The following PPP2R2C variants were observed in gnomAD, a reference collection of about 807,000 sequenced individuals.
The protein encoded by PPP2R2C is protein phosphatase 2 regulatory subunit Bgamma, also known as protein phosphatase 2, regulatory subunit B, gamma.
PPP2R2C carries 10 observed loss-of-function variants against 45.3 expected under a neutral mutation model. That is an observed-to-expected ratio of 0.22 (90% confidence interval 0.14 to 0.37). PPP2R2C has a LOEUF of 0.37. Among genes scored for constraint, PPP2R2C ranks in the 10% least tolerant of loss-of-function variants. The pLI, the probability that PPP2R2C is intolerant of heterozygous loss-of-function variation, is 1.00. For synonymous variants in PPP2R2C, 257 were observed against 245.4 expected (o/e 1.05, Z -0.44); for missense variants, 308 against 619.7 (o/e 0.50, Z 5.34).
intron 1 of PPP2R2C, among the ~76,000 whole-genome samples, chr4:6,546,928 G>A (rs1489617197): frequency 6.6e-6 from 1 of 152,186 alleles, no homozygotes; most frequent in Non-Finnish European, 1.5e-5. Flanking sequence ...GGAAAGAGGG[G>A]AGGAAAGAGA....
rs115768332 is a variant in PPP2R2C at position 6,361,725 on chromosome 4, C to T, written c.625+10798G>A. On this transcript the variant is annotated intron_variant, in intron 5 of 8. Coordinates refer to ENST00000382599, the MANE Select transcript of PPP2R2C (RefSeq NM_020416.4). ...GTGGTGAATGGCATGCCTTGGTTTC[C>T]AAGAACTGAGAGGGGGAATCCAAGG... Among the ~76,000 whole-genome samples the T allele has an allele frequency of 4.5e-3, 684 of 152,300 alleles. 9 individuals carry two copies. Among genetic ancestry groups the T allele is most frequent in the African/African-American group, 0.016 (651 of 41,570 alleles).
At position 6,472,318 on chromosome 4, in the gene PPP2R2C, G is replaced by A; in HGVS notation, c.-89C>T. The stretch of plus-strand genomic sequence containing the variant: ...TCGCGCCGGGCGCGCGGGCCATGCC[G>A]CCGCAGCCTAGCAGGGGCGCGGGCC... On this transcript the variant is annotated 5_prime_UTR_variant, in exon 1 of 9. Transcript: ENST00000382599. 6.4e-7 allele frequency: 1 copy of A among 1,569,786 alleles called. No individual in the cohort carries two copies. Among genetic ancestry groups the A allele is most frequent in the Non-Finnish European group, 8.6e-7 (1 of 1,158,760 alleles).
At chr4:6,447,626 G>A (rs922036667) in intron 1 of PPP2R2C, among the ~76,000 whole-genome samples, 4 of 151,122 alleles carry the variant, frequency 2.6e-5, no homozygotes, top group African/African-American at 9.8e-5. Flanking sequence ...TTTCCCTGGT[G>A]ATTTAATGAA....
intron 1 of PPP2R2C, among the ~76,000 whole-genome samples, chr4:6,551,010 C>T (rs1358361770): frequency 6.6e-6 from 1 of 152,186 alleles, no homozygotes; most frequent in Non-Finnish European, 1.5e-5. Context: ...AATTGCCATA[C>T]CTTCCTCGCC....
At chr4:6,468,251 A>G (rs1721685140) in intron 1 of PPP2R2C, among the ~76,000 whole-genome samples, 2 of 152,174 alleles carry the variant, frequency 1.3e-5, no homozygotes, top group Admixed American at 6.5e-5. Context: ...AAACCTGCAG[A>G]CAATTCCATG....
intron 1 of PPP2R2C, among the ~76,000 whole-genome samples, chr4:6,458,234 C>A (rs1395675813): frequency 6.6e-6 from 1 of 152,224 alleles, no homozygotes; most frequent in East Asian, 1.9e-4. Flanking sequence ...CATGCAGGCT[C>A]ATCACTGGGA....
chr4:6,337,110 G>GTATATATATATATATATATATA, intron 6 of PPP2R2C, among the ~76,000 whole-genome samples: 1 of 41,504 alleles, frequency 2.4e-5, no homozygotes, highest in Non-Finnish European at 4.5e-5. Context: ...GTATGTGTGT[G>GTATATATATATATATATATATA]TGTATATATA....
chr4:6,378,049 A>G lies in PPP2R2C; in HGVS notation c.334+358T>C, dbSNP rs1021601904. On this transcript the variant is annotated intron_variant, in intron 3 of 8. Transcript: ENST00000382599. The surrounding 1 kb of genome is among the most constrained non-coding windows in gnomAD (Gnocchi z 5.2). ...GTGTCTGCGACCTGCATCCTTGTCC[A>G]TCACACTCCCTCACCCCAAAGCAAA... Among the ~76,000 whole-genome samples, 4 of 152,052 alleles carry G rather than the reference A, an allele frequency of 2.6e-5. No homozygotes were observed. The highest frequency in any genetic ancestry group is 9.7e-5 in the African/African-American group (4 of 41,394).
At chr4:6,439,743 T>C (rs978216474) in intron 1 of PPP2R2C, among the ~76,000 whole-genome samples, 5 of 152,334 alleles carry the variant, frequency 3.3e-5, no homozygotes, top group African/African-American at 1.2e-4. Flanking sequence ...TACTTCTCTG[T>C]TGAATGGCTG....
chr4:6,430,654 G>A (rs2109409030), intron 1 of PPP2R2C, among the ~76,000 whole-genome samples: 1 of 152,310 alleles, frequency 6.6e-6, no homozygotes, highest in East Asian at 1.9e-4. Context: ...GCCGGGCACG[G>A]TGGCTCACAC....
At chr4:6,388,249 G>A (rs898063492) in intron 1 of PPP2R2C, among the ~76,000 whole-genome samples, 4 of 152,204 alleles carry the variant, frequency 2.6e-5, no homozygotes, top group Admixed American at 1.3e-4. Flanking sequence ...CTGGTGCTGG[G>A]CACAGCACAG....
At chr4:6,523,727 A>G (rs989770405) in intron 2 of PPP2R2C, among the ~76,000 whole-genome samples, 15 of 152,204 alleles carry the variant, frequency 9.9e-5, no homozygotes, top group African/African-American at 3.6e-4. Context: ...TCTATCACGG[A>G]ACACTGAAAA....
chr4:6,474,193 A>G (rs966647172), upstream of PPP2R2C, among the ~76,000 whole-genome samples: 3 of 139,574 alleles, frequency 2.1e-5, no homozygotes, highest in African/African-American at 8.1e-5. Flanking sequence ...GTCTGCTCAC[A>G]TGCCCCCCAC....
chr4:6,403,452 G>A (rs1002538700), intron 1 of PPP2R2C, among the ~76,000 whole-genome samples: 6 of 152,222 alleles, frequency 3.9e-5, no homozygotes, highest in South Asian at 2.1e-4. Context: ...TGTTTACAGC[G>A]GGGTGAGGCT....
intron 1 of PPP2R2C, among the ~76,000 whole-genome samples, chr4:6,440,691 G>A (rs573453710): frequency 1.2e-3 from 178 of 152,294 alleles, no homozygotes; most frequent in African/African-American, 4.0e-3. Flanking sequence ...CTCCCTCCCT[G>A]ACTGGCACGT....
rs779322172 is a variant in PPP2R2C at position 6,378,150 on chromosome 4, G to C, written c.334+257C>G. Among the ~76,000 whole-genome samples, 5 of 152,160 alleles carry C rather than the reference G, an allele frequency of 3.3e-5. No individual in the cohort carries two copies. The highest frequency in any genetic ancestry group is 5.9e-5 in the Non-Finnish European group (4 of 68,036). On this transcript the variant is annotated intron_variant, in intron 3 of 8. Coordinates refer to ENST00000382599, the MANE Select transcript of PPP2R2C (RefSeq NM_020416.4). The surrounding 1 kb of genome is among the most constrained non-coding windows in gnomAD (Gnocchi z 5.2). ...GTGTCTGGCCATGGGGAGCTTCTGA[G>C]AGGGTCTGGCATACTCACTCATGGG...
intron 5 of PPP2R2C, 134 bp from the exon 6 acceptor site, chr4:6,348,144 C>T: frequency 9.9e-7 from 1 of 1,014,332 alleles, no homozygotes; most frequent in East Asian, 2.5e-5. Context: ...TTCCTGAGAC[C>T]CTCAAAATGC....
At chr4:6,556,391 G>A (rs571513418) in intron 1 of PPP2R2C, among the ~76,000 whole-genome samples, 198 of 152,252 alleles carry the variant, frequency 1.3e-3, no homozygotes, top group African/African-American at 4.5e-3. Context: ...TCACACCATC[G>A]CAACATCAGC....
Position 6,513,728 on chromosome 4 carries a change from G to T in PPP2R2C, c.49+21543C>A, listed in dbSNP as rs954195207. Among the ~76,000 whole-genome samples the T allele has an allele frequency of 3.9e-5, 6 of 152,298 alleles. No homozygotes were observed. In the South Asian group the frequency reaches 1.2e-3, roughly 32 times the overall value. On this transcript the variant is annotated intron_variant, in intron 2 of 9. Transcript: ENST00000506140. Reference sequence around the variant, plus strand: ...CTTCAGCTGTGCTCCCCCATCAGCAGTGCAGACCCATGAAAAGGGCGTGCA... The same window carrying T: ...CTTCAGCTGTGCTCCCCCATCAGCATTGCAGACCCATGAAAAGGGCGTGCA...
Sources: allele counts gnomAD v4.1 joint callset (sites outside exome capture counted in the v4.1 genomes callset), GRCh38; gene constraint gnomAD v4.1.1; non-coding constraint Gnocchi (gnomAD v3.1); transcripts MANE v1.5; gene names NCBI Gene and HGNC (gene_info 2026-07-23, HGNC 2026-07-21).